The following ZNF544 variants were observed in gnomAD, a reference collection of about 807,000 sequenced individuals.
ZNF544 encodes zinc finger protein AF020591.
In ZNF544, 10 loss-of-function variants were observed where a neutral mutation model predicts 13.5. The ratio of observed to expected loss-of-function variants is 0.74; its 90% CI spans 0.46 to 1.25. The LOEUF is 1.25. Ranked by LOEUF, ZNF544 falls within the 50% of genes most tolerant of loss-of-function variation. ZNF544 has a pLI of 0.00. For synonymous variants in ZNF544, 323 were observed against 300.5 expected (o/e 1.07, Z -0.77); for missense variants, 896 against 845.6 (o/e 1.06, Z -0.74).
At chr19:58,241,317 T>A (rs1422435604) in intron 3 of ZNF544, among the ~76,000 whole-genome samples, 1 of 149,998 alleles carries the variant, frequency 6.7e-6, no homozygotes, top group Non-Finnish European at 1.5e-5. Flanking sequence ...TGGCCCACTT[T>A]GTTCTTTTGA....
intron 5 of ZNF544, among the ~76,000 whole-genome samples, chr19:58,270,355 G>A (rs1386820526): frequency 6.7e-6 from 1 of 150,072 alleles, no homozygotes; most frequent in East Asian, 2.0e-4. Flanking sequence ...AGTCTGGAGT[G>A]CAGTGGCGCG....
chr19:58,275,783 C>CAAAAAAAAAAAAAAAAAAAA (rs57148438), intron 5 of ZNF544, among the ~76,000 whole-genome samples: 3 of 66,222 alleles, frequency 4.5e-5, no homozygotes, highest in African/African-American at 1.8e-4. Flanking sequence ...GACCCTGTCT[C>CAAAAAAAAAAAAAAAAAAAA]AAAAAAAAAA....
chr19:58,274,680 C>T (rs1204971138), intron 5 of ZNF544, among the ~76,000 whole-genome samples: 8 of 152,126 alleles, frequency 5.3e-5, no homozygotes, highest in Admixed American at 6.6e-5. Context: ...TTACGAAAAA[C>T]AGCATTTTCC....
downstream of ZNF544, among the ~76,000 whole-genome samples, chr19:58,265,282 ATATTTATTTATTTATT>A (rs139270092): frequency 1.2e-4 from 17 of 147,346 alleles, no homozygotes; most frequent in Admixed American, 9.6e-4. Context: ...CCATGTCTGC[ATATTTATTTATTTATT>A]TATTTATTTA....
chr19:58,242,485 A>T (rs143041594), intron 3 of ZNF544, among the ~76,000 whole-genome samples: 13 of 150,748 alleles, frequency 8.6e-5, no homozygotes, highest in African/African-American at 3.2e-4. Flanking sequence ...GGCTGCCTTT[A>T]TCTGCTCTTC....
intron 6 of ZNF544, among the ~76,000 whole-genome samples, chr19:58,253,383 C>T (rs2046629163): frequency 6.6e-6 from 1 of 152,154 alleles, no homozygotes; most frequent in Non-Finnish European, 1.5e-5. Context: ...GTTAAATACA[C>T]AGGTATTTTT....
intron 6 of ZNF544, among the ~76,000 whole-genome samples, chr19:58,249,551 A>G (rs981490765): frequency 1.3e-5 from 2 of 152,212 alleles, no homozygotes; most frequent in African/African-American, 4.8e-5. Flanking sequence ...CAGAGGAAGG[A>G]GCCATGAACC....
At chr19:58,246,229 G>T (rs1450950600) in intron 4 of ZNF544, 72 bp from the exon 5 acceptor site, 19 of 1,602,024 alleles carry the variant, frequency 1.2e-5, no homozygotes, top group Non-Finnish European at 1.6e-5. Context: ...CCAACATTTA[G>T]GCCTTAACAG....
chr19:58,264,986 G>T (rs2049675385), downstream of ZNF544, among the ~76,000 whole-genome samples: 1 of 152,164 alleles, frequency 6.6e-6, no homozygotes, highest in African/African-American at 2.4e-5. Flanking sequence ...CTGCACTCCA[G>T]CCTAGGCACC....
chr19:58,254,511 G>A (rs1229455800), intron 6 of ZNF544, among the ~76,000 whole-genome samples: 5 of 152,190 alleles, frequency 3.3e-5, no homozygotes, highest in African/African-American at 1.2e-4. Flanking sequence ...TCAGCCTAGG[G>A]TGTCCCCTTT....
intron 6 of ZNF544, chr19:58,247,271 T>A (rs2147120959): frequency 6.5e-6 from 1 of 153,416 alleles, no homozygotes; most frequent in African/African-American, 2.4e-5. Context: ...TTTTTGTTTT[T>A]GTTTTTTAAG....
chr19:58,269,171 A>G (rs984931067), intron 5 of ZNF544, among the ~76,000 whole-genome samples: 2 of 152,232 alleles, frequency 1.3e-5, no homozygotes, highest in African/African-American at 4.8e-5. Context: ...GTGGTGGCTC[A>G]CGCCTGTAAT....
At chr19:58,229,314 AC>A (rs2040674651) in intron 1 of ZNF544, 153 bp from the exon 2 acceptor site, 1 of 88,766 alleles carries the variant, frequency 1.1e-5, no homozygotes, top group Admixed American at 1.3e-4. Context: ...ACTGGGTGGG[AC>A]TGGGTGGGCC....
At chr19:58,233,649 A>C (rs1385201231) in intron 3 of ZNF544, among the ~76,000 whole-genome samples, 1 of 152,220 alleles carries the variant, frequency 6.6e-6, no homozygotes, top group Non-Finnish European at 1.5e-5. Context: ...TTCTGTGTAC[A>C]CAAGGCCCCT....
At chr19:58,242,168 C>T in intron 3 of ZNF544, 2 of 920,012 alleles carry the variant, frequency 2.2e-6, no homozygotes, top group Non-Finnish European at 2.6e-6. Context: ...GGTGAAGTCC[C>T]AGCAGCTGCG....
downstream of ZNF544, among the ~76,000 whole-genome samples, chr19:58,265,400 A>T (rs999601417): frequency 6.7e-6 from 1 of 149,604 alleles, no homozygotes; most frequent in African/African-American, 2.5e-5. Context: ...GGTTCACGCC[A>T]CTCTCCTGCC....
At chr19:58,245,037 T>C (rs2044789535) in intron 4 of ZNF544, among the ~76,000 whole-genome samples, 1 of 150,856 alleles carries the variant, frequency 6.6e-6, no homozygotes, top group African/African-American at 2.4e-5. Flanking sequence ...CAACTCCGCC[T>C]CCTGGTTTCA....
intron 3 of ZNF544, among the ~76,000 whole-genome samples, chr19:58,234,097 T>C (rs2041906564): frequency 6.6e-6 from 1 of 152,180 alleles, no homozygotes; most frequent in Admixed American, 6.5e-5. Context: ...TCATTCCACC[T>C]TTACTCCCCA....
intron 6 of ZNF544, chr19:58,247,144 G>C (rs2045410470): frequency 6.2e-6 from 1 of 161,846 alleles, no homozygotes; most frequent in Non-Finnish European, 1.4e-5. Flanking sequence ...GAAGTGCAGT[G>C]GCGCTGTCTT....
Sources: gnomAD v4.1 joint callset for allele counts (sites outside exome capture counted in the v4.1 genomes callset) on GRCh38, gnomAD v4.1.1 for gene constraint, MANE v1.5 for transcripts, NCBI Gene and HGNC (gene_info 2026-07-23, HGNC 2026-07-21) for gene names.